HLCS: variants seen among roughly 807,000 people sequenced by gnomAD.
HLCS encodes the protein holocarboxylase synthetase.
Under a neutral mutation model 75.0 loss-of-function variants are expected in HLCS, and 53 were observed. The ratio of observed to expected loss-of-function variants is 0.71; its 90% CI spans 0.57 to 0.89. The LOEUF is 0.89. Among genes scored for constraint, HLCS ranks in the 40% least tolerant of loss-of-function variants. The pLI is 0.00. For missense variants in HLCS, 966 were observed against 1,074.0 expected (o/e 0.90, Z 1.41); for synonymous variants, 431 against 428.6 (o/e 1.01, Z -0.07).
At chr21:36,923,810 A>G (rs1389304984) in intron 5 of HLCS, among the ~76,000 whole-genome samples, 1 of 152,206 alleles carries the variant, frequency 6.6e-6, no homozygotes, top group African/African-American at 2.4e-5. Flanking sequence ...ACCTTTTGCC[A>G]TGGGTATTAT....
intron 6 of HLCS, among the ~76,000 whole-genome samples, chr21:36,888,445 A>AATATATATAT (rs71198839): frequency 4.1e-5 from 1 of 24,108 alleles, no homozygotes; most frequent in African/African-American, 1.3e-4. Flanking sequence ...AAAAAAAAAA[A>AATATATATAT]ATATATATAT....
Position 36,752,788 on chromosome 21 carries a change from G to A in HLCS, c.*1458C>T, listed in dbSNP as rs2089417672. On this transcript the variant is annotated 3_prime_UTR_variant, in exon 11 of 11. Coordinates refer to ENST00000674895, the MANE Select transcript of HLCS (RefSeq NM_001352514.2). ...AGGGCTGTCCTGTGCCTGGCTAAAG[G>A]TAGACAGACTATACTAAAAACCACA... 6.6e-6 allele frequency: 1 copy of A among 152,184 alleles called. No individual in the cohort carries two copies. Among genetic ancestry groups the A allele is most frequent in the Non-Finnish European group, 1.5e-5 (1 of 68,032 alleles). 9.4% of individuals were successfully genotyped at this position (152,184 alleles called of 1,614,324 possible). A position where few individuals can be genotyped will look rare whatever the true frequency, so the allele number is the denominator to read the frequency against.
intron 1 of HLCS, among the ~76,000 whole-genome samples, chr21:36,985,062 C>A (rs182602371): frequency 1.3e-3 from 200 of 152,268 alleles, no homozygotes; most frequent in African/African-American, 4.6e-3. Flanking sequence ...GTACTTCAAG[C>A]TGTATTTCCT....
chr21:36,760,553 C>T (rs1601118700), intron 8 of HLCS, among the ~76,000 whole-genome samples: 1 of 150,178 alleles, frequency 6.7e-6, no homozygotes, highest in African/African-American at 2.5e-5. Flanking sequence ...GAGGTTGCAG[C>T]GAGCCGAGAT....
Position 36,757,975 on chromosome 21 carries a change from C to T in HLCS, c.2237-1220G>A, listed in dbSNP as rs73902722. On this transcript the variant is annotated intron_variant, in intron 9 of 10. Transcript: ENST00000674895. The stretch of plus-strand genomic sequence containing the variant: ...ACTTAGGCTATGTCCTTCTAAGGAC[C>T]GGTGAGCACCCTGCTGGCTGCTCTG... Among the ~76,000 whole-genome samples, 972 of 152,302 alleles carry T rather than the reference C, an allele frequency of 6.4e-3. 12 individuals are homozygous for T. The highest frequency in any genetic ancestry group is 0.022 in the African/African-American group (929 of 41,550).
At chr21:36,909,310 C>T (rs1381129007) in intron 5 of HLCS, among the ~76,000 whole-genome samples, 1 of 152,184 alleles carries the variant, frequency 6.6e-6, no homozygotes, top group Non-Finnish European at 1.5e-5. Context: ...AAAATGGGTG[C>T]ATTTTCTTGA....
chr21:36,859,970 T>G (rs553470030), intron 6 of HLCS, among the ~76,000 whole-genome samples: 2 of 152,184 alleles, frequency 1.3e-5, no homozygotes, highest in African/African-American at 4.8e-5. Flanking sequence ...CTGAAATTGT[T>G]CCTTGCAGGT....
At chr21:36,855,389 T>G (rs1361141441) in intron 6 of HLCS, among the ~76,000 whole-genome samples, 1 of 150,324 alleles carries the variant, frequency 6.7e-6, no homozygotes, top group East Asian at 1.9e-4. Context: ...AAAAAAAAAA[T>G]TAGCTGGGCC....
chr21:36,977,911 A>T (rs1218032860), intron 1 of HLCS, among the ~76,000 whole-genome samples: 1 of 152,212 alleles, frequency 6.6e-6, no homozygotes. Flanking sequence ...ACAGGAAGGG[A>T]ATAGAAGGGC....
chr21:36,769,922 A>C (rs1186849459), intron 6 of HLCS, among the ~76,000 whole-genome samples: 1 of 152,226 alleles, frequency 6.6e-6, no homozygotes. Context: ...GGGGATCTGA[A>C]CCTAAGAAAA....
chr21:36,854,019 T>C (rs1384249273), intron 6 of HLCS, among the ~76,000 whole-genome samples: 1 of 152,162 alleles, frequency 6.6e-6, no homozygotes, highest in Non-Finnish European at 1.5e-5. Context: ...AGTTCAAAAA[T>C]ATAAAATAAC....
At chr21:36,805,687 G>A (rs781754157) in intron 6 of HLCS, among the ~76,000 whole-genome samples, 13 of 152,092 alleles carry the variant, frequency 8.5e-5, no homozygotes, top group African/African-American at 1.9e-4. Flanking sequence ...GGGGCTCTCC[G>A]TGACCTCTTG....
chr21:36,972,739 G>A (rs564816700), intron 1 of HLCS, among the ~76,000 whole-genome samples: 22 of 152,156 alleles, frequency 1.4e-4, no homozygotes, highest in Non-Finnish European at 2.6e-4. Flanking sequence ...GCTGTTTTAA[G>A]TACATTCTTA....
At chr21:36,940,294 G>A (rs930039525) in intron 2 of HLCS, among the ~76,000 whole-genome samples, 1 of 152,038 alleles carries the variant, frequency 6.6e-6, no homozygotes, top group Admixed American at 6.6e-5. Flanking sequence ...ACACTGCCCC[G>A]AATTTCATAA....
At chr21:36,955,134 A>G (rs937852025) in intron 2 of HLCS, among the ~76,000 whole-genome samples, 3 of 152,174 alleles carry the variant, frequency 2.0e-5, no homozygotes, top group Admixed American at 6.5e-5. Flanking sequence ...GGGGGAAGGC[A>G]TTGTTATCAC....
intron 6 of HLCS, among the ~76,000 whole-genome samples, chr21:36,875,487 G>T (rs184505876): frequency 3.7e-4 from 57 of 152,348 alleles, no homozygotes; most frequent in African/African-American, 1.3e-3. Flanking sequence ...CCTGTCTGCA[G>T]AAAGGAGCTA....
chr21:36,815,218 G>A (rs571731445), intron 6 of HLCS, among the ~76,000 whole-genome samples: 92 of 151,950 alleles, frequency 6.1e-4, no homozygotes, highest in Admixed American at 3.4e-3. Context: ...TAGTAGAGAC[G>A]GGGTTTCACC....
intron 6 of HLCS, among the ~76,000 whole-genome samples, chr21:36,812,679 A>C (rs1309350619): frequency 6.6e-6 from 1 of 152,202 alleles, no homozygotes; most frequent in Admixed American, 6.5e-5. Flanking sequence ...ATGAAAGAGC[A>C]AGCCAGAGAC....
At chr21:36,795,238 C>G (rs2060991694) in intron 6 of HLCS, among the ~76,000 whole-genome samples, 1 of 152,274 alleles carries the variant, frequency 6.6e-6, no homozygotes, top group South Asian at 2.1e-4. Context: ...TGTCATCACA[C>G]TGGAACCGCA....
Sources: gnomAD v4.1 joint callset for allele counts (sites outside exome capture counted in the v4.1 genomes callset) on GRCh38, gnomAD v4.1.1 for gene constraint, MANE v1.5 for transcripts, NCBI Gene and HGNC (gene_info 2026-07-23, HGNC 2026-07-21) for gene names.